SDCCAG8: variants seen among roughly 807,000 people sequenced by gnomAD.
SDCCAG8 encodes SHH signaling and ciliogenesis regulator SDCCAG8.
In SDCCAG8, 74 loss-of-function variants were observed where a neutral mutation model predicts 101.8. The ratio of observed to expected loss-of-function variants is 0.73; its 90% confidence interval spans 0.60 to 0.88. SDCCAG8 has a LOEUF of 0.88. Among genes scored for constraint, SDCCAG8 ranks in the 40% least tolerant of loss-of-function variants. SDCCAG8 has a pLI of 0.00. For missense variants in SDCCAG8, 787 were observed against 822.6 expected, an observed-to-expected ratio of 0.96 and a Z score of 0.53; for synonymous variants, 281 against 292.9, an observed-to-expected ratio of 0.96 and a Z score of 0.41.
intron 5 of SDCCAG8, among the ~76,000 whole-genome samples, chr1:243,288,809 C>T (rs1016905104): frequency 6.6e-6 from 1 of 151,954 alleles, no homozygotes; most frequent in Non-Finnish European, 1.5e-5. Flanking sequence ...GAAATAGAGA[C>T]CATCCTGGCT....
intron 13 of SDCCAG8, among the ~76,000 whole-genome samples, chr1:243,399,058 G>C (rs1025114548): frequency 1.3e-5 from 2 of 152,136 alleles, no homozygotes; most frequent in African/African-American, 4.8e-5. Context: ...ATACACATAC[G>C]TGTGTGTGTA....
At chr1:243,292,068 A>G (rs2070322516) in intron 5 of SDCCAG8, among the ~76,000 whole-genome samples, 1 of 152,242 alleles carries the variant, frequency 6.6e-6, no homozygotes, top group Non-Finnish European at 1.5e-5. Flanking sequence ...GCTGGTCCCA[A>G]GTAGAAGAGC....
rs117439933 is a variant in SDCCAG8 at position 243,259,972 on chromosome 1, C to T, written c.67+3732C>T. Among the ~76,000 whole-genome samples the T allele has an allele frequency of 2.0e-4, 31 of 152,256 alleles. No homozygotes were observed. The East Asian group carries it at 6.0e-3, about 29-fold the overall frequency. On this transcript the variant is annotated intron_variant, in intron 1 of 17. Transcript: ENST00000366541. The stretch of plus-strand genomic sequence containing the variant: ...CTTGCTTTTAAAATGAGATCCTTGC[C>T]TCATTTTGACCTTGATGATCTTGGA...
intron 13 of SDCCAG8, among the ~76,000 whole-genome samples, chr1:243,409,001 A>G (rs1278811262): frequency 1.3e-5 from 2 of 152,096 alleles, no homozygotes; most frequent in Non-Finnish European, 2.9e-5. Flanking sequence ...TAGATGCCAT[A>G]CTCTGACCCT....
rs374302247 is a variant in SDCCAG8, at chr1:243,339,588, A to G, written c.1222-1451A>G. On this transcript the variant is annotated intron_variant, in intron 10 of 17. Coordinates refer to ENST00000366541, the MANE Select transcript of SDCCAG8 (RefSeq NM_006642.5). Reference sequence around the variant, plus strand: ...CAATCCTTTGATGATAGGGATGTGTAAAAAACCATAAGTCAAATATGAAAT... The same window carrying G: ...CAATCCTTTGATGATAGGGATGTGTGAAAAACCATAAGTCAAATATGAAAT... Among the ~76,000 whole-genome samples, 483 of 152,354 alleles carry G rather than the reference A, an allele frequency of 3.2e-3. 3 individuals are homozygous for G. Among genetic ancestry groups the G allele is most frequent in the Middle Eastern group, 0.01 (3 of 294 alleles).
intron 1 of SDCCAG8, among the ~76,000 whole-genome samples, chr1:243,264,038 A>T (rs1244653567): frequency 6.6e-6 from 1 of 152,122 alleles, no homozygotes; most frequent in Non-Finnish European, 1.5e-5. Flanking sequence ...AGTGCATCTC[A>T]TATCTCGGCC....
At chr1:243,389,713 A>G (rs2078582407) in intron 13 of SDCCAG8, among the ~76,000 whole-genome samples, 1 of 152,196 alleles carries the variant, frequency 6.6e-6, no homozygotes. Context: ...TATGCTTCTC[A>G]CTGCTTCCAG....
intron 16 of SDCCAG8, among the ~76,000 whole-genome samples, chr1:243,481,420 A>G (rs1477851161): frequency 6.6e-6 from 1 of 152,168 alleles, no homozygotes; most frequent in Non-Finnish European, 1.5e-5. Flanking sequence ...CTCATGCATA[A>G]AATGCAGATG....
In SDCCAG8 at chr1:243,287,334, C is replaced by T. The variant is rs150016514; in HGVS notation, c.546+937C>T. 3.5e-3 allele frequency among the ~76,000 whole-genome samples: 538 copies of T among 151,642 alleles called. 4 individuals are homozygous for T. Among genetic ancestry groups the T allele is most frequent in the African/African-American group, 0.013 (525 of 41,320 alleles). On this transcript the variant is annotated intron_variant, in intron 5 of 17. Transcript: ENST00000366541. ...TTTACTTTGGTGGTTTTGACTTTGT[C>T]GTCATTAGTAAATCAGCTGTTAAGA...
At chr1:243,351,837 A>G (rs1046683989) in intron 12 of SDCCAG8, among the ~76,000 whole-genome samples, 2 of 152,246 alleles carry the variant, frequency 1.3e-5, no homozygotes, top group Non-Finnish European at 2.9e-5. Context: ...TTCTTCATCT[A>G]AAATCATCAT....
At chr1:243,276,055 G>C (rs1316625042) in intron 4 of SDCCAG8, among the ~76,000 whole-genome samples, 1 of 151,714 alleles carries the variant, frequency 6.6e-6, no homozygotes, top group African/African-American at 2.4e-5. Context: ...GTAGAGACGG[G>C]GTTTCACCAT....
intron 13 of SDCCAG8, among the ~76,000 whole-genome samples, chr1:243,386,878 G>A (rs1259520829): frequency 6.6e-6 from 1 of 152,170 alleles, no homozygotes; most frequent in African/African-American, 2.4e-5. Context: ...AAGAAACATA[G>A]TTTCCCTTGG....
chr1:243,495,224 G>A (rs1040981595), intron 17 of SDCCAG8, among the ~76,000 whole-genome samples: 3 of 152,214 alleles, frequency 2.0e-5, no homozygotes, highest in African/African-American at 4.8e-5. Context: ...ATGTGTGCTG[G>A]GGCCTCCCTG....
intron 11 of SDCCAG8, among the ~76,000 whole-genome samples, chr1:243,342,270 CAGAG>C (rs2075422231): frequency 6.6e-6 from 1 of 152,118 alleles, no homozygotes; most frequent in South Asian, 2.1e-4. Flanking sequence ...ATCAGTACAG[CAGAG>C]AGAGAGTTCT....
chr1:243,470,719 C>T (rs911477512), intron 16 of SDCCAG8, among the ~76,000 whole-genome samples: 6 of 151,984 alleles, frequency 3.9e-5, no homozygotes, highest in Non-Finnish European at 8.8e-5. Context: ...CTTCCTTGAC[C>T]GAAAAGAAGA....
intron 13 of SDCCAG8, among the ~76,000 whole-genome samples, chr1:243,387,401 C>T (rs945721426): frequency 6.6e-6 from 1 of 152,046 alleles, no homozygotes; most frequent in Non-Finnish European, 1.5e-5. Context: ...CTTATTTCTC[C>T]TTTTACATAA....
chr1:243,264,043 T>C (rs2067392143), intron 1 of SDCCAG8, among the ~76,000 whole-genome samples: 1 of 152,138 alleles, frequency 6.6e-6, no homozygotes, highest in African/African-American at 2.4e-5. Context: ...ATCTCATATC[T>C]CGGCCTCGGG....
chr1:243,273,720 T>TA (rs2068286761), intron 3 of SDCCAG8, among the ~76,000 whole-genome samples: 1 of 152,226 alleles, frequency 6.6e-6, no homozygotes, highest in Non-Finnish European at 1.5e-5. Flanking sequence ...GCTGCAGTTT[T>TA]AGCTAGCAAA....
intron 16 of SDCCAG8, among the ~76,000 whole-genome samples, chr1:243,463,244 G>A (rs1659480801): frequency 6.6e-6 from 1 of 152,244 alleles, no homozygotes; most frequent in South Asian, 2.1e-4. Flanking sequence ...CATGGGTAGG[G>A]CACAGAAGAA....
Sources: gnomAD v4.1 joint callset for allele counts (sites outside exome capture counted in the v4.1 genomes callset) on GRCh38, gnomAD v4.1.1 for gene constraint, MANE v1.5 for transcripts, NCBI Gene and HGNC (gene_info 2026-07-23, HGNC 2026-07-21) for gene names.